The following SRPK3 variants were observed in gnomAD, a reference collection of about 807,000 sequenced individuals.
SRPK3 encodes SFRS protein kinase 3.
SRPK3 carries 26 observed loss-of-function variants against 45.3 expected under a neutral mutation model. The observed-to-expected ratio is 0.57, with a 90% confidence interval of 0.42 to 0.80. SRPK3 has a LOEUF of 0.80. Ranked by LOEUF, SRPK3 falls within the 30% of genes least tolerant of loss-of-function variation. The pLI, the probability that SRPK3 is intolerant of heterozygous loss-of-function variation, is 0.00. For synonymous variants in SRPK3, 254 were observed against 226.6 expected (o/e 1.12, Z -1.09); for missense variants, 536 against 514.5 (o/e 1.04, Z -0.40).
Position 153,781,576 on chromosome X carries a change from G to A in SRPK3, c.262G>A (p.Gly88Ser), listed in dbSNP as rs2092052288. 8.3e-7 allele frequency: 1 copy of A among 1,211,095 alleles called. No individual in the cohort carries two copies. The highest frequency in any genetic ancestry group is 1.1e-6 in the Non-Finnish European group (1 of 895,380). ...CCACGTGGTGCGCAAACTGGGCTGG[G>A]GCCACTTCTCCACCGTCTGGCTCTG... ...RYHVVRKLGWGHFSTVWLCWD... is the reference protein window; with the variant it reads ...RYHVVRKLGWSHFSTVWLCWD... Residue 88 changes from glycine to serine, a missense_variant, in exon 3 of 15, where the codon GGC (glycine) becomes AGC (serine). Gly to Ser is a moderately conservative substitution (Grantham distance 56). Coordinates refer to ENST00000370101, the MANE Select transcript of SRPK3 (RefSeq NM_014370.4).
chrX:153,781,985 A>G, intron 4 of SRPK3, 136 bp from the exon 5 acceptor site: 2 of 868,032 alleles, frequency 2.3e-6, no homozygotes, highest in Non-Finnish European at 3.3e-6. Context: ...ATCTGGAGGA[A>G]CAGGCGAGGG....
chrX:153,781,502 C>T lies in SRPK3; in HGVS notation c.191-3C>T. 8.3e-7 allele frequency: 1 copy of T among 1,207,331 alleles called. No homozygotes were observed. ...CACCCCAATCTACATCTCCCCTGGG[C>T]AGGCGGCTACCACCCTGTGAAGATC... On this transcript the variant is annotated splice_region_variant and splice_polypyrimidine_tract_variant and intron_variant, in intron 2 of 14. Transcript: ENST00000370101.
intron 12 of SRPK3, 30 bp from the exon 13 acceptor site, chrX:153,784,904 G>C (rs781942025): frequency 1.7e-6 from 2 of 1,210,860 alleles, no homozygotes; most frequent in Admixed American, 2.2e-5. Flanking sequence ...CAGCCCACCA[G>C]CCAGCAGCCT....
intron 8 of SRPK3, 84 bp downstream of exon 8, chrX:153,783,335 C>A: frequency 1.9e-5 from 12 of 637,538 alleles, no homozygotes; most frequent in Non-Finnish European, 2.6e-5. Flanking sequence ...AGTGGCTCCA[C>A]CCCCCACCTT....
Position 153,781,566 on chromosome X carries a change from A to G in SRPK3, c.252A>G (p.Lys84=). 7 of 1,210,856 alleles carry G rather than the reference A, an allele frequency of 5.8e-6. No individual in the cohort carries two copies. Among genetic ancestry groups the G allele is most frequent in the Non-Finnish European group, 7.8e-6 (7 of 895,361 alleles). The change falls in exon 3 of 15, where the codon AAA becomes AAG. Residue 84 remains lysine (K), a synonymous_variant. Transcript: ENST00000370101. Reference sequence around the variant, plus strand: ...ATGGGCGGTACCACGTGGTGCGCAAACTGGGCTGGGGCCACTTCTCCACCG... The same window carrying G: ...ATGGGCGGTACCACGTGGTGCGCAAGCTGGGCTGGGGCCACTTCTCCACCG... ...VFNGRYHVVR[K]LGWGHFSTVW...
rs150667998 is a variant in SRPK3 at position 153,784,776 on chromosome X, G to A, written c.1275G>A (p.Gln425=). The change falls in exon 12 of 15, where the codon CAG becomes CAA. Residue 425 remains glutamine (Q), a synonymous_variant. Coordinates refer to ENST00000370101, the MANE Select transcript of SRPK3 (RefSeq NM_014370.4). The part of the protein sequence containing the change: ...WVHKHFTEDI[Q]TRQYRAVEVL... The stretch of plus-strand genomic sequence containing the variant: ...ACAAGCACTTCACGGAAGACATCCA[G>A]ACTCGGCAGTACCGGGCCGTCGAGG... 5 of 1,210,617 alleles carry A rather than the reference G, an allele frequency of 4.1e-6. No homozygotes were observed. The highest frequency in any genetic ancestry group is 2.3e-4 in the Middle Eastern group (1 of 4,370).
At chrX:153,784,241 G>A (rs891095333) in intron 10 of SRPK3, 28 bp downstream of exon 10, 2 of 1,210,542 alleles carry the variant, frequency 1.7e-6, no homozygotes. Context: ...TGGTGGGCAG[G>A]CAGGGCTGGC....
chrX:153,785,550 C>A lies in SRPK3; in HGVS notation c.*30C>A. 1 of 1,191,116 alleles carries A rather than the reference C, an allele frequency of 8.4e-7. No individual in the cohort carries two copies. Among genetic ancestry groups the A allele is most frequent in the African/African-American group, 1.7e-5 (1 of 57,558 alleles). ...GGCTGTGGCTCCACCTCCAGCTCTC[C>A]GTGCCTTAAGGGAAAAGCGGGACAG... On this transcript the variant is annotated 3_prime_UTR_variant, in exon 15 of 15. Transcript: ENST00000370101.
intron 7 of SRPK3, 24 bp from the exon 8 acceptor site, chrX:153,783,202 A>ACC (rs782088949): frequency 1.8e-4 from 171 of 968,717 alleles, no homozygotes; most frequent in Non-Finnish European, 2.2e-4. Context: ...GTCCCCCCCC[A>ACC]CCGCTCCCCA....
In SRPK3 at chrX:153,783,204, C is replaced by G. The variant is rs782737721; in HGVS notation, c.749-22C>G. 66 of 1,081,750 alleles carry G rather than the reference C, an allele frequency of 6.1e-5. 3 individuals carry two copies. Among genetic ancestry groups the G allele is most frequent in the East Asian group, 1.9e-4 (6 of 32,333 alleles). 89.1% of individuals were successfully genotyped at this position (1,081,750 alleles called of 1,213,427 possible). A position where few individuals can be genotyped will look rare whatever the true frequency, so the allele number is the denominator to read the frequency against. On this transcript the variant is annotated intron_variant, in intron 7 of 14. Transcript: ENST00000370101. ...TCTGTTCCTCCCTGTCCCCCCCCACCGCTCCCCACCTGCACTCCCAGTCAG... is the reference window on the plus strand; with the variant it reads ...TCTGTTCCTCCCTGTCCCCCCCCACGGCTCCCCACCTGCACTCCCAGTCAG...
chrX:153,785,032 T>G, intron 13 of SRPK3, 29 bp downstream of exon 13: 3 of 1,210,203 alleles, frequency 2.5e-6, no homozygotes, highest in South Asian at 1.8e-5. Context: ...GGGCTCAGCC[T>G]CCCGGCCTCC....
At chrX:153,783,405 G>A (rs1003478178) in intron 8 of SRPK3, among the ~76,000 whole-genome samples, 154 bp downstream of exon 8, 1 of 111,271 alleles carries the variant, frequency 9.0e-6, no homozygotes, top group Admixed American at 9.4e-5. Flanking sequence ...GGTAATTCCC[G>A]GGGGGGGTCA....
chrX:153,783,263 G>A lies in SRPK3; in HGVS notation c.774+12G>A. ...CCCAGGAGGTCTTGGTAAGTTGGGG[G>A]GCCCCTCTCTCCCATGCCTCCTCTC... On this transcript the variant is annotated intron_variant, in intron 8 of 14. Transcript: ENST00000370101. 8 of 1,192,481 alleles carry A rather than the reference G, an allele frequency of 6.7e-6. No individual in the cohort carries two copies. Among genetic ancestry groups the A allele is most frequent in the Non-Finnish European group, 9.0e-6 (8 of 884,267 alleles).
chrX:153,781,159 G>A lies in SRPK3; in HGVS notation c.59+14G>A, dbSNP rs1557066649. The A allele has an allele frequency of 8.5e-7, 1 of 1,172,920 alleles. No individual in the cohort carries two copies. Among genetic ancestry groups the A allele is most frequent in the Non-Finnish European group, 1.1e-6 (1 of 877,500 alleles). On this transcript the variant is annotated intron_variant, in intron 1 of 14. Transcript: ENST00000370101. ...CAGTAGCAGCAGGTAGGGCTCGGCT[G>A]GGGCACCCGGAGCCCCTGGCGTCTC... is the stretch of plus-strand genomic sequence containing the variant.
rs367814897 is a variant in SRPK3, at chrX:153,783,340, C to A, written c.774+89C>A. On this transcript the variant is annotated intron_variant, in intron 8 of 14. Coordinates refer to ENST00000370101, the MANE Select transcript of SRPK3 (RefSeq NM_014370.4). ...CTGGAGCCACAGTGGCTCCACCCCC[C>A]ACCTTCACGCACTCCCACGGTGGTA... The A allele has an allele frequency of 4.8e-4, 282 of 584,635 alleles. 1 individual carries two copies. The African/African-American group carries it at 5.8e-3, about 12-fold the overall frequency. 48.2% of individuals were successfully genotyped at this position (584,635 alleles called of 1,213,427 possible). A position where few individuals can be genotyped will look rare whatever the true frequency, so the allele number is the denominator to read the frequency against.
At chrX:153,782,080 G>A in intron 4 of SRPK3, 41 bp from the exon 5 acceptor site, 1 of 1,139,396 alleles carries the variant, frequency 8.8e-7, no homozygotes, top group Non-Finnish European at 1.2e-6. Flanking sequence ...GGGCTTCAGG[G>A]CAGGGTGGAA....
At position 153,785,536 on chromosome X, in the gene SRPK3, C is replaced by T. The variant is rs1557068817; in HGVS notation, c.*16C>T. 1 of 1,197,544 alleles carries T rather than the reference C, an allele frequency of 8.4e-7. No homozygotes were observed. On this transcript the variant is annotated 3_prime_UTR_variant, in exon 15 of 15. Transcript: ENST00000370101. ...CAACCCCTAGGCCCGGCTGTGGCTC[C>T]ACCTCCAGCTCTCCGTGCCTTAAGG...
chrX:153,782,596 AGACT>A (rs1164068761), intron 5 of SRPK3, among the ~76,000 whole-genome samples, 172 bp from the exon 6 acceptor site: 1 of 113,309 alleles, frequency 8.8e-6, no homozygotes, highest in East Asian at 2.8e-4. Flanking sequence ...ATACCTGTTG[AGACT>A]GACAGGGACA....
At chrX:153,781,641 C>T in intron 3 of SRPK3, 28 bp downstream of exon 3, 1 of 1,203,911 alleles carries the variant, frequency 8.3e-7, no homozygotes, top group Non-Finnish European at 1.1e-6. Flanking sequence ...CTCCGGGGCC[C>T]AGCACTGGCT....
Sources: gnomAD v4.1 joint callset for allele counts (sites outside exome capture counted in the v4.1 genomes callset) on GRCh38, gnomAD v4.1.1 for gene constraint, MANE v1.5 for transcripts, NCBI Gene and HGNC (gene_info 2026-07-23, HGNC 2026-07-21) for gene names.